The following SP100 variants were observed in gnomAD, a reference collection of about 807,000 sequenced individuals.
SP100 encodes the protein nuclear autoantigen Sp-100.
Under a neutral mutation model 130.0 loss-of-function variants are expected in SP100, and 84 were observed. That is an observed-to-expected ratio of 0.65 (90% CI 0.54 to 0.77). SP100 has a LOEUF of 0.77. Ranked by LOEUF, SP100 falls within the 30% of genes least tolerant of loss-of-function variation. The probability of loss-of-function intolerance (pLI) is 0.00; values close to 1 mark genes in which losing one functional copy is unlikely to be tolerated. For missense variants in SP100, 978 were observed against 1,052.2 expected, an observed-to-expected ratio of 0.93 and a Z score of 0.97; for synonymous variants, 331 against 351.7, an observed-to-expected ratio of 0.94 and a Z score of 0.66.
intron 18 of SP100, among the ~76,000 whole-genome samples, chr2:230,496,949 A>G (rs2066703618): frequency 6.6e-6 from 1 of 152,180 alleles, no homozygotes; most frequent in African/African-American, 2.4e-5. Flanking sequence ...GCCTTCCTCA[A>G]ACTCCTGAAG....
Position 230,473,411 on chromosome 2 carries a change from C to T in SP100, c.1517C>T (p.Thr506Ile), listed in dbSNP as rs1219007368. ...KGVPRSQEAR[T>I]ESSQASDMMD... ...GTGCCAAGAAGCCAAGAAGCAAGGA[C>T]TGAAAGTAGTCAAGCATCTGACATG... Residue 506 changes from threonine to isoleucine, a missense_variant, in exon 16 of 29, where the codon ACT becomes ATT. Thr to Ile is a moderately conservative substitution (Grantham distance 89). Transcript: ENST00000340126. 4 of 1,613,138 alleles carry T rather than the reference C, an allele frequency of 2.5e-6. No homozygotes were observed. Among genetic ancestry groups the T allele is most frequent in the Non-Finnish European group, 3.4e-6 (4 of 1,179,274 alleles).
At chr2:230,454,771 A>C (rs2064183550) in intron 8 of SP100, among the ~76,000 whole-genome samples, 1 of 152,164 alleles carries the variant, frequency 6.6e-6, no homozygotes, top group Admixed American at 6.5e-5. Flanking sequence ...TTGTAGATAA[A>C]ATATTCTATA....
At chr2:230,467,082 C>T (rs1470947130) in intron 12 of SP100, 38 bp from the exon 13 acceptor site, 5 of 1,369,980 alleles carry the variant, frequency 3.6e-6, no homozygotes, top group Non-Finnish European at 5.2e-6. Context: ...CCTTATCATA[C>T]ATTGAGAGCT....
chr2:230,503,179 A>C, intron 20 of SP100, 69 bp downstream of exon 20: 1 of 1,186,668 alleles, frequency 8.4e-7, no homozygotes, highest in Non-Finnish European at 1.2e-6. Flanking sequence ...TACTGTGAGT[A>C]ACAAGTCAGT....
intron 2 of SP100, among the ~76,000 whole-genome samples, chr2:230,426,354 A>G (rs770980561): frequency 6.6e-6 from 1 of 151,996 alleles, no homozygotes; most frequent in Non-Finnish European, 1.5e-5. Context: ...TTTCTCCCTA[A>G]TGTAGGTGTT....
chr2:230,526,154 G>A (rs1691415756), intron 24 of SP100, among the ~76,000 whole-genome samples: 2 of 152,154 alleles, frequency 1.3e-5, no homozygotes, highest in Admixed American at 6.5e-5. Flanking sequence ...CCTGCCAGTA[G>A]GGGCTCACGG....
chr2:230,443,123 A>C, intron 3 of SP100, 24 bp downstream of exon 3: 1 of 1,611,328 alleles, frequency 6.2e-7, no homozygotes, highest in South Asian at 1.1e-5. Flanking sequence ...ATTATGTCAC[A>C]ATCTGGTAAA....
intron 17 of SP100, among the ~76,000 whole-genome samples, chr2:230,477,183 A>G (rs1322931096): frequency 1.4e-4 from 21 of 152,054 alleles, no homozygotes; most frequent in Non-Finnish European, 1.5e-5. Context: ...GTTTTAAGTC[A>G]TGGTGTTTTT....
At chr2:230,421,033 A>G (rs1013983953) in intron 2 of SP100, among the ~76,000 whole-genome samples, 2 of 152,100 alleles carry the variant, frequency 1.3e-5, no homozygotes, top group African/African-American at 2.4e-5. Context: ...GTTCATCAGT[A>G]ATCAGTGTTA....
At chr2:230,519,790 C>G (rs1471667396) in intron 24 of SP100, among the ~76,000 whole-genome samples, 1 of 152,142 alleles carries the variant, frequency 6.6e-6, no homozygotes, top group Non-Finnish European at 1.5e-5. Flanking sequence ...CCAGCTTTTT[C>G]CAATTGTGTA....
chr2:230,473,559 A>G (rs1417925861), intron 16 of SP100, 119 bp downstream of exon 16: 3 of 588,610 alleles, frequency 5.1e-6, no homozygotes, highest in Admixed American at 5.2e-5. Flanking sequence ...TGGATCACCA[A>G]CAGGAAGTGG....
chr2:230,453,902 C>T (rs1385797108), intron 8 of SP100, among the ~76,000 whole-genome samples: 1 of 152,148 alleles, frequency 6.6e-6, no homozygotes, highest in Non-Finnish European at 1.5e-5. Context: ...TGGTAGAATT[C>T]AACAGTGAAA....
chr2:230,437,347 A>G (rs2063324887), intron 2 of SP100, among the ~76,000 whole-genome samples: 1 of 152,036 alleles, frequency 6.6e-6, no homozygotes, highest in South Asian at 2.1e-4. Flanking sequence ...ACCTCTAACT[A>G]CAAGTTTTAT....
Position 230,506,824 on chromosome 2 carries a change from C to CACACACAT in SP100, c.2013+380_2013+381insCACACATA, listed in dbSNP as rs531043915. 1.6e-3 allele frequency: 250 copies of CACACACAT among 151,892 alleles called. 1 individual carries two copies. The East Asian group carries it at 0.018, about 11-fold the overall frequency. 9.4% of individuals were successfully genotyped at this position (151,892 alleles called of 1,614,324 possible). On this transcript the variant is annotated intron_variant, in intron 22 of 28. Transcript: ENST00000340126. Reference sequence around the variant, plus strand: ...ACACACACACACACACACACACACACATATTTAACATATATATATGTAGTT... The same window carrying CACACACAT: ...ACACACACACACACACACACACACACACACACATATATTTAACATATATATATGTAGTT...
At chr2:230,436,969 T>TATG (rs1374866462) in intron 2 of SP100, among the ~76,000 whole-genome samples, 3 of 136,132 alleles carry the variant, frequency 2.2e-5, no homozygotes, top group Non-Finnish European at 5.1e-5. Flanking sequence ...CACACATATA[T>TATG]ATGTGTATAC....
At chr2:230,532,409 G>C (rs1223120548) in intron 24 of SP100, among the ~76,000 whole-genome samples, 1 of 151,842 alleles carries the variant, frequency 6.6e-6, no homozygotes, top group Non-Finnish European at 1.5e-5. Flanking sequence ...TAGGTACAAA[G>C]TTTTAATGTT....
chr2:230,443,813 G>A (rs2063568516), intron 3 of SP100, among the ~76,000 whole-genome samples: 1 of 152,182 alleles, frequency 6.6e-6, no homozygotes, highest in South Asian at 2.1e-4. Flanking sequence ...ATCAGTCTTG[G>A]GGGAAGAGCA....
intron 17 of SP100, among the ~76,000 whole-genome samples, chr2:230,484,056 T>G (rs1019136916): frequency 1.3e-5 from 2 of 152,236 alleles, no homozygotes; most frequent in Non-Finnish European, 2.9e-5. Flanking sequence ...ACAGCCTTCT[T>G]GTACTTAGGA....
intron 10 of SP100, 68 bp downstream of exon 10, chr2:230,462,586 G>T (rs755905570): frequency 4.3e-5 from 49 of 1,147,412 alleles, no homozygotes; most frequent in Non-Finnish European, 5.7e-5. Context: ...ATTTCCTGAG[G>T]CATTTTATTC....
Sources: allele counts gnomAD v4.1 joint callset (sites outside exome capture counted in the v4.1 genomes callset), GRCh38; gene constraint gnomAD v4.1.1; transcripts MANE v1.5; gene names NCBI Gene and HGNC (gene_info 2026-07-23, HGNC 2026-07-21).